IMPG1: variants seen among roughly 807,000 people sequenced by gnomAD.
The protein encoded by IMPG1 is interphotoreceptor matrix proteoglycan 1, also known as interphotoreceptor matrix proteoglycan of 150 kDa.
In IMPG1, 85 loss-of-function variants were observed where a neutral mutation model predicts 92.0. The observed-to-expected ratio is 0.92, with a 90% CI of 0.78 to 1.11. The LOEUF is 1.11. Ranked by LOEUF, IMPG1 falls within the 50% of genes least tolerant of loss-of-function variation. The pLI is 0.00. For synonymous variants in IMPG1, 367 were observed against 334.1 expected, an observed-to-expected ratio of 1.10 and a Z score of -1.08; for missense variants, 1,022 against 956.0, an observed-to-expected ratio of 1.07 and a Z score of -0.91.
In IMPG1 at chr6:76,051,909, G is replaced by A. The variant is rs957560665; in HGVS notation, c.68-9783C>T. Among the ~76,000 whole-genome samples, 18 of 152,014 alleles carry A rather than the reference G, an allele frequency of 1.2e-4. 1 individual carries two copies. The highest frequency in any genetic ancestry group is 4.1e-4 in the African/African-American group (17 of 41,360). On this transcript the variant is annotated intron_variant, in intron 1 of 16. Coordinates refer to ENST00000369950, the MANE Select transcript of IMPG1 (RefSeq NM_001563.4). ...CTTGGCAAACCCTTACAAGAAATAA[G>A]AGGTTGCTAGTGCCTACCTTCTATT...
In IMPG1 at chr6:75,921,885, ATAAG is replaced by A. The variant is rs1481578012; in HGVS notation, c.*200_*203del. On this transcript the variant is annotated 3_prime_UTR_variant, in exon 17 of 17. Coordinates refer to ENST00000369950, the MANE Select transcript of IMPG1 (RefSeq NM_001563.4). ...GCTGATTGCATTTGGGGTTTTAATA[ATAAG>A]TAAGTGTCTTTTTCTTCAGAATTTA... 11 of 408,848 alleles carry A rather than the reference ATAAG, an allele frequency of 2.7e-5. No individual in the cohort carries two copies. The highest frequency in any genetic ancestry group is 1.1e-4 in the South Asian group (3 of 26,454). 25.3% of individuals were successfully genotyped at this position (408,848 alleles called of 1,614,324 possible). A position where few individuals can be genotyped will look rare whatever the true frequency, so the allele number is the denominator to read the frequency against.
At chr6:75,934,806 C>A in intron 14 of IMPG1, 2 of 333,040 alleles carry the variant, frequency 6.0e-6, no homozygotes, top group South Asian at 5.1e-5. Context: ...CTTCCCGTCC[C>A]GCCCCTCAAC....
intron 12 of IMPG1, 110 bp from the exon 13 acceptor site, chr6:75,951,204 G>C (rs915920861): frequency 1.3e-6 from 1 of 773,038 alleles, no homozygotes; most frequent in African/African-American, 1.8e-5. Context: ...TAGCATTTGC[G>C]TAGATCATTT....
chr6:76,000,936 T>G (rs1305373477), intron 12 of IMPG1, among the ~76,000 whole-genome samples: 1 of 152,210 alleles, frequency 6.6e-6, no homozygotes, highest in Non-Finnish European at 1.5e-5. Context: ...TGGAGCTACT[T>G]AAGCCAAACA....
chr6:75,930,943 C>A lies in IMPG1; in HGVS notation c.2243+10G>T. Reference sequence around the variant, plus strand: ...TTCTTGAGTCTGTGACGTTAGCATGCTTGACCCACCTGCATGGAGCTCCCT... The same window carrying A: ...TTCTTGAGTCTGTGACGTTAGCATGATTGACCCACCTGCATGGAGCTCCCT... On this transcript the variant is annotated intron_variant, in intron 15 of 16. Transcript: ENST00000369950. 2.5e-6 allele frequency: 4 copies of A among 1,613,318 alleles called. No individual in the cohort carries two copies. The highest frequency in any genetic ancestry group is 3.4e-6 in the Non-Finnish European group (4 of 1,179,254).
At chr6:76,021,146 C>A (rs150457026) in intron 6 of IMPG1, among the ~76,000 whole-genome samples, 2 of 152,280 alleles carry the variant, frequency 1.3e-5, no homozygotes, top group East Asian at 1.9e-4. Flanking sequence ...TCTACACAAC[C>A]TTTTATCTTA....
intron 12 of IMPG1, among the ~76,000 whole-genome samples, chr6:75,982,174 G>A (rs146117902): frequency 9.7e-4 from 148 of 152,220 alleles, no homozygotes; most frequent in African/African-American, 3.5e-3. Flanking sequence ...GTGGTGGTGG[G>A]GGAAGAATTT....
intron 12 of IMPG1, among the ~76,000 whole-genome samples, chr6:75,966,888 A>G (rs1225076825): frequency 6.6e-6 from 1 of 152,156 alleles, no homozygotes; most frequent in Non-Finnish European, 1.5e-5. Context: ...ATACATTAAA[A>G]CAAACAAGGC....
chr6:75,984,604 G>C (rs768447958), intron 12 of IMPG1, among the ~76,000 whole-genome samples: 1 of 152,114 alleles, frequency 6.6e-6, no homozygotes, highest in Non-Finnish European at 1.5e-5. Context: ...GCTTGATTTT[G>C]GTATTACAGA....
At chr6:76,060,107 A>AT (rs1161860659) in intron 1 of IMPG1, among the ~76,000 whole-genome samples, 1 of 152,180 alleles carries the variant, frequency 6.6e-6, no homozygotes, top group African/African-American at 2.4e-5. Flanking sequence ...CCTGGGGGCA[A>AT]TTATGAAAAT....
At position 76,002,816 on chromosome 6, in the gene IMPG1, G is replaced by C. The variant is rs769436052; in HGVS notation, c.1291+102C>G. The C allele has an allele frequency of 4.6e-6, 4 of 867,430 alleles. No individual in the cohort carries two copies. The Admixed American group carries it at 5.9e-5, about 13-fold the overall frequency. The allele number at this position is 867,430 out of a possible 1,614,324, so 53.7% of individuals were successfully genotyped here. ...GCTGGTGGCAGTGAACCTTTTCCTGGGTTCGGGATGGCTTTGTCACTGGTC... is the reference window on the plus strand; with the variant it reads ...GCTGGTGGCAGTGAACCTTTTCCTGCGTTCGGGATGGCTTTGTCACTGGTC... On this transcript the variant is annotated intron_variant, in intron 12 of 16. Coordinates refer to ENST00000369950, the MANE Select transcript of IMPG1 (RefSeq NM_001563.4).
rs143049211 is a variant in IMPG1, at chr6:75,951,023, T to C, written c.1363A>G (p.Ser455Gly). ...CCTTGATCAGTCAGAGAGAAGATGC[T>C]TGATGCCATAAAGAAAGGTGGAGCT... ...SEAPPFFMAS[S>G]IFSLTDQGTT... The change falls in exon 13 of 17, where the codon AGC (serine) becomes GGC (glycine). Residue 455 changes from serine to glycine, a missense_variant. Ser to Gly is a moderately conservative substitution (Grantham distance 56). Around this residue, in one of 3 missense-constraint regions of IMPG1, gnomAD observed 681 missense variants for 583.6 expected, o/e 1.17. Coordinates refer to ENST00000369950, the MANE Select transcript of IMPG1 (RefSeq NM_001563.4). The C allele has an allele frequency of 1.9e-6, 3 of 1,613,678 alleles. No individual in the cohort carries two copies. Among genetic ancestry groups the C allele is most frequent in the African/African-American group, 1.3e-5 (1 of 74,846 alleles).
At chr6:76,019,147 G>A (rs1783369155) in intron 6 of IMPG1, among the ~76,000 whole-genome samples, 1 of 152,188 alleles carries the variant, frequency 6.6e-6, no homozygotes, top group Non-Finnish European at 1.5e-5. Context: ...TTGGAAGCAG[G>A]TGGCTAAGAA....
At chr6:75,949,020 C>CT (rs1156513907) in intron 13 of IMPG1, among the ~76,000 whole-genome samples, 2 of 152,252 alleles carry the variant, frequency 1.3e-5, no homozygotes, top group African/African-American at 4.8e-5. Flanking sequence ...CTAAGCTGTC[C>CT]TACCCATCAA....
intron 14 of IMPG1, among the ~76,000 whole-genome samples, chr6:75,932,675 C>A (rs997863246): frequency 2.6e-5 from 4 of 152,014 alleles, no homozygotes; most frequent in Non-Finnish European, 5.9e-5. Context: ...TGAACTTATT[C>A]ATGGGTAGGC....
chr6:75,987,242 T>C (rs974091044), intron 12 of IMPG1, among the ~76,000 whole-genome samples: 2 of 151,432 alleles, frequency 1.3e-5, no homozygotes, highest in African/African-American at 4.9e-5. Context: ...CGACTTTTTA[T>C]CCTCTGTCAT....
At chr6:75,937,920 C>T (rs1370851585) in intron 14 of IMPG1, among the ~76,000 whole-genome samples, 1 of 152,184 alleles carries the variant, frequency 6.6e-6, no homozygotes, top group Non-Finnish European at 1.5e-5. Context: ...AAATCTTCAG[C>T]CTGCACAACT....
At chr6:75,926,812 A>G (rs1781561154) in intron 15 of IMPG1, among the ~76,000 whole-genome samples, 1 of 147,088 alleles carries the variant, frequency 6.8e-6, no homozygotes, top group Admixed American at 6.8e-5. Flanking sequence ...GTAAAAATAT[A>G]TGGAGTATAG....
At chr6:76,050,644 C>G (rs1784024879) in intron 1 of IMPG1, among the ~76,000 whole-genome samples, 3 of 152,126 alleles carry the variant, frequency 2.0e-5, no homozygotes, top group Non-Finnish European at 4.4e-5. Context: ...CTTCCAGTAC[C>G]AAAGTTGGCT....
Sources: gnomAD v4.1 joint callset for allele counts (sites outside exome capture counted in the v4.1 genomes callset) on GRCh38, gnomAD v4.1.1 for gene constraint, gnomAD v4.1.1 regional missense constraint, MANE v1.5 for transcripts, NCBI Gene and HGNC (gene_info 2026-07-23, HGNC 2026-07-21) for gene names.